The following TAFA2 variants were observed in gnomAD, a reference collection of about 807,000 sequenced individuals.
TAFA2 encodes chemokine-like protein TAFA-2.
Under a neutral mutation model 18.8 loss-of-function variants are expected in TAFA2, and 7 were observed. That is an observed-to-expected ratio of 0.37 (90% confidence interval 0.21 to 0.70). The LOEUF (loss-of-function observed/expected upper bound fraction) is 0.70. Among genes scored for constraint, TAFA2 ranks in the 30% least tolerant of loss-of-function variants. TAFA2 has a pLI of 0.53. For missense variants in TAFA2, 122 were observed against 158.1 expected (o/e 0.77, Z 1.23); for synonymous variants, 60 against 54.2 (o/e 1.11, Z -0.47).
intron 4 of TAFA2, among the ~76,000 whole-genome samples, chr12:61,713,525 A>G (rs192731225): frequency 1.2e-4 from 18 of 152,306 alleles, no homozygotes; most frequent in African/African-American, 4.1e-4. Context: ...AACACAAAAT[A>G]AGGATGAACA....
chr12:61,741,978 C>A (rs1483354212), intron 4 of TAFA2, among the ~76,000 whole-genome samples: 2 of 152,064 alleles, frequency 1.3e-5, no homozygotes, highest in Non-Finnish European at 2.9e-5. Context: ...CTCACTGTAG[C>A]CTCCACCTCC....
Position 62,079,571 on chromosome 12 carries a change from G to A in TAFA2, c.-2+111688C>T, listed in dbSNP as rs543194910. Among the ~76,000 whole-genome samples the A allele has an allele frequency of 4.6e-5, 7 of 152,052 alleles. No homozygotes were observed. The South Asian group carries it at 1.5e-3, about 32-fold the overall frequency. ...CCCAGCTACTCGGGAGACGGAGGCAGGAGAATTGCTTGAACCAGGGAAGTA... is the reference window on the plus strand; with the variant it reads ...CCCAGCTACTCGGGAGACGGAGGCAAGAGAATTGCTTGAACCAGGGAAGTA... On this transcript the variant is annotated intron_variant, in intron 1 of 4. Transcript: ENST00000416284.
intron 1 of TAFA2, among the ~76,000 whole-genome samples, chr12:62,220,292 A>G (rs1242443797): frequency 1.3e-5 from 2 of 152,140 alleles, no homozygotes; most frequent in Non-Finnish European, 2.9e-5. Context: ...TAAAATGAGA[A>G]ATAAAATATA....
In TAFA2 at chr12:61,840,520, A is replaced by G. The variant is rs578027207; in HGVS notation, c.106+26800T>C. 3.9e-5 allele frequency among the ~76,000 whole-genome samples: 6 copies of G among 152,140 alleles called. No individual in the cohort carries two copies. The South Asian group carries it at 1.2e-3, about 31-fold the overall frequency. ...AATTTTATGTACATGTTAATTTTCA[A>G]TGATATACTCTTCAACCAGAGAATA... On this transcript the variant is annotated intron_variant, in intron 2 of 4. Transcript: ENST00000416284.
At chr12:62,099,897 A>T (rs982302209) in intron 1 of TAFA2, among the ~76,000 whole-genome samples, 8 of 152,028 alleles carry the variant, frequency 5.3e-5, no homozygotes, top group Non-Finnish European at 1.0e-4. Flanking sequence ...AGTCAGAAAA[A>T]TTTTTTTCAT....
intron 2 of TAFA2, among the ~76,000 whole-genome samples, chr12:61,821,893 C>T (rs1479148851): frequency 6.6e-6 from 1 of 152,010 alleles, no homozygotes; most frequent in Non-Finnish European, 1.5e-5. Context: ...GGCATTATCA[C>T]CTTTGAGTTT....
intron 1 of TAFA2, among the ~76,000 whole-genome samples, chr12:62,226,992 ATT>A (rs2062789666): frequency 6.6e-6 from 1 of 152,090 alleles, no homozygotes; most frequent in East Asian, 1.9e-4. Context: ...TGAAACCCAG[ATT>A]TCAATATGGG....
chr12:62,085,465 A>T lies in TAFA2; in HGVS notation c.-2+105794T>A, dbSNP rs529087668. Among the ~76,000 whole-genome samples, 13 of 152,264 alleles carry T rather than the reference A, an allele frequency of 8.5e-5. No homozygotes were observed. The East Asian group carries it at 9.7e-4, about 11-fold the overall frequency. On this transcript the variant is annotated intron_variant, in intron 1 of 4. Coordinates refer to ENST00000416284, the MANE Select transcript of TAFA2 (RefSeq NM_178539.5). ...GTCCTGGAGGTAACCAATATTAATTAAATTAATTAATTAATTCTCATGCTG... is the reference window on the plus strand; with the variant it reads ...GTCCTGGAGGTAACCAATATTAATTTAATTAATTAATTAATTCTCATGCTG...
intron 1 of TAFA2, among the ~76,000 whole-genome samples, chr12:62,168,945 T>TATACAC (rs1555195551): frequency 1.3e-5 from 2 of 148,836 alleles, no homozygotes; most frequent in South Asian, 4.3e-4. Context: ...ACTCACTCTC[T>TATACAC]ACACACACAC....
chr12:62,108,081 G>A (rs1869544044), intron 1 of TAFA2, among the ~76,000 whole-genome samples: 1 of 152,030 alleles, frequency 6.6e-6, no homozygotes, highest in African/African-American at 2.4e-5. Context: ...GTGGTTTGCT[G>A]CACCCCTCAA....
chr12:61,799,090 T>G (rs1241325999), intron 2 of TAFA2, among the ~76,000 whole-genome samples: 4 of 152,246 alleles, frequency 2.6e-5, no homozygotes, highest in Non-Finnish European at 5.9e-5. Context: ...AATATGCATA[T>G]ATGCTTTATT....
intron 1 of TAFA2, among the ~76,000 whole-genome samples, chr12:62,251,483 AT>A (rs1300125103): frequency 1.3e-5 from 2 of 152,196 alleles, no homozygotes; most frequent in Non-Finnish European, 1.5e-5. Context: ...GAAAAAGTAA[AT>A]TTTGGCCACT....
At chr12:62,059,597 G>T (rs1882291100) in intron 1 of TAFA2, among the ~76,000 whole-genome samples, 1 of 152,054 alleles carries the variant, frequency 6.6e-6, no homozygotes, top group Non-Finnish European at 1.5e-5. Context: ...CCAGAATAAG[G>T]TATTATTTGA....
At chr12:62,163,574 C>T (rs2136932811) in intron 1 of TAFA2, among the ~76,000 whole-genome samples, 2 of 152,178 alleles carry the variant, frequency 1.3e-5, no homozygotes, top group South Asian at 4.2e-4. Context: ...TTTCTTTGAC[C>T]TTCCTTCTCA....
At chr12:62,081,041 A>C (rs1415674589) in intron 1 of TAFA2, among the ~76,000 whole-genome samples, 1 of 152,088 alleles carries the variant, frequency 6.6e-6, no homozygotes, top group Non-Finnish European at 1.5e-5. Context: ...AAAAGACACA[A>C]AAAATTAGCC....
rs1877587801 is a variant in TAFA2, at chr12:61,932,269, G to T, written c.-1-64843C>A. Among the ~76,000 whole-genome samples, 4 of 152,310 alleles carry T rather than the reference G, an allele frequency of 2.6e-5. No individual in the cohort carries two copies. The South Asian group carries it at 6.2e-4, about 24-fold the overall frequency. Reference sequence around the variant, plus strand: ...GCCATTTATGGCAAAAAGATAAGGTGAGATGATGCACATTCCTTTTTGAAT... The same window carrying T: ...GCCATTTATGGCAAAAAGATAAGGTTAGATGATGCACATTCCTTTTTGAAT... On this transcript the variant is annotated intron_variant, in intron 1 of 4. Transcript: ENST00000416284.
At chr12:61,817,458 T>C (rs1271228157) in intron 2 of TAFA2, among the ~76,000 whole-genome samples, 1 of 152,166 alleles carries the variant, frequency 6.6e-6, no homozygotes, top group Non-Finnish European at 1.5e-5. Context: ...AGATATAGAC[T>C]ATATGATAAG....
chr12:61,907,363 T>C (rs952467794), intron 1 of TAFA2, among the ~76,000 whole-genome samples: 9 of 152,218 alleles, frequency 5.9e-5, no homozygotes, highest in African/African-American at 2.2e-4. Flanking sequence ...CTAAAAGGGG[T>C]CAATGTACAG....
intron 1 of TAFA2, among the ~76,000 whole-genome samples, chr12:62,127,680 C>T (rs1368949848): frequency 6.6e-6 from 1 of 151,904 alleles, no homozygotes; most frequent in Non-Finnish European, 1.5e-5. Context: ...AAGTTATGAG[C>T]CAGTGCTCCC....
Sources: gnomAD v4.1 joint callset for allele counts (sites outside exome capture counted in the v4.1 genomes callset) on GRCh38, gnomAD v4.1.1 for gene constraint, MANE v1.5 for transcripts, NCBI Gene and HGNC (gene_info 2026-07-23, HGNC 2026-07-21) for gene names.